The following NCOR2 variants were observed in gnomAD, a reference collection of about 807,000 sequenced individuals.
NCOR2 encodes the protein nuclear receptor corepressor 2, also known as CTG repeat protein 26.
Under a neutral mutation model 262.9 loss-of-function variants are expected in NCOR2, and 81 were observed. The ratio of observed to expected loss-of-function variants is 0.31; its 90% confidence interval spans 0.26 to 0.37. The LOEUF (loss-of-function observed/expected upper bound fraction) is 0.37, where lower values mean the gene tolerates loss of function less well. Among genes scored for constraint, NCOR2 ranks in the 10% least tolerant of loss-of-function variants. The pLI is 1.00. For synonymous variants in NCOR2, 1,659 were observed against 1,559.3 expected, an observed-to-expected ratio of 1.06 and a Z score of -1.51; for missense variants, 3,385 against 3,621.4, an observed-to-expected ratio of 0.93 and a Z score of 1.68.
In NCOR2 at chr12:124,340,298, T is replaced by A. The variant is rs376060814; in HGVS notation, c.5484A>T (p.Arg1828Ser). 3 of 1,610,844 alleles carry A rather than the reference T, an allele frequency of 1.9e-6. No homozygotes were observed. In the African/African-American group the frequency reaches 4.0e-5, roughly 22 times the overall value. Residue 1828 changes from arginine to serine, a missense_variant, in exon 36 of 47, where the codon AGA becomes AGT. Around this residue, in one of 5 missense-constraint regions of NCOR2, gnomAD observed 1,615 missense variants for 1,626.9 expected, o/e 0.99. Coordinates refer to ENST00000405201, the Ensembl canonical transcript of NCOR2. ...GTGGGGGCTCTGATGCCCTACCAGG[T>A]CTCCAGATGGGTGCGTGCTCCACCG...
chr12:124,400,464 G>A (rs763231702), intron 15 of NCOR2, 37 bp downstream of exon 17: 2 of 1,601,594 alleles, frequency 1.2e-6, no homozygotes, highest in African/African-American at 2.7e-5. Flanking sequence ...CGTGTCTCCA[G>A]CCCCTTCCCC....
chr12:124,327,543 T>G, exon 45 of NCOR2: 1 of 1,613,886 alleles, frequency 6.2e-7, no homozygotes, highest in East Asian at 2.2e-5. Flanking sequence ...CTGGTCATAT[T>G]TACCCATGAG....
intron 6 of NCOR2, among the ~76,000 whole-genome samples, chr12:124,451,767 A>T (rs901260066): frequency 6.6e-6 from 1 of 152,100 alleles, no homozygotes; most frequent in Non-Finnish European, 1.5e-5. Flanking sequence ...GACAGAAGGG[A>T]CACACAAGTC....
chr12:124,365,360 C>T (rs1288000506), intron 20 of NCOR2, among the ~76,000 whole-genome samples: 1 of 152,224 alleles, frequency 6.6e-6, no homozygotes, highest in African/African-American at 2.4e-5. Context: ...ACAACAGGGA[C>T]ACAACTCACA....
chr12:124,470,781 T>C (rs2136684619), intron 4 of NCOR2, among the ~76,000 whole-genome samples: 1 of 152,372 alleles, frequency 6.6e-6, no homozygotes, highest in East Asian at 1.9e-4. Flanking sequence ...CACTGAATTG[T>C]GCACTTTAAA....
chr12:124,376,827 G>A (rs1008187198), intron 18 of NCOR2, among the ~76,000 whole-genome samples: 7 of 152,218 alleles, frequency 4.6e-5, no homozygotes, highest in African/African-American at 1.2e-4. Flanking sequence ...CAACAAGAAG[G>A]ACCCCAGACG....
rs369936194 is a variant in NCOR2 at position 124,418,289 on chromosome 12, TG to T, written c.1482+1667del. On this transcript the variant is annotated intron_variant, in intron 13 of 46. Transcript: ENST00000405201. Reference sequence around the variant, plus strand: ...CGAGTTCAGCCCCAGGCATCGTGGCTGGATGTTGGGAATGCGGCGAGGGGTG... The same window carrying T: ...CGAGTTCAGCCCCAGGCATCGTGGCTGATGTTGGGAATGCGGCGAGGGGTG... Among the ~76,000 whole-genome samples, 23 of 152,252 alleles carry T rather than the reference TG, an allele frequency of 1.5e-4. No individual in the cohort carries two copies. The East Asian group carries it at 4.1e-3, about 27-fold the overall frequency.
At chr12:124,465,593 G>A (rs917693796) in intron 5 of NCOR2, among the ~76,000 whole-genome samples, 2 of 152,192 alleles carry the variant, frequency 1.3e-5, no homozygotes, top group African/African-American at 2.4e-5. Flanking sequence ...AGGGCCCAGT[G>A]TCAGTGGAAG....
chr12:124,478,376 A>G (rs746268138), intron 3 of NCOR2, among the ~76,000 whole-genome samples: 2 of 152,206 alleles, frequency 1.3e-5, no homozygotes, highest in Non-Finnish European at 2.9e-5. Flanking sequence ...TGACAATTCT[A>G]AAGTCCCCAA....
At chr12:124,555,683 C>T (rs371221987) in intron 1 of NCOR2, among the ~76,000 whole-genome samples, 2 of 152,184 alleles carry the variant, frequency 1.3e-5, no homozygotes, top group Non-Finnish European at 2.9e-5. Context: ...TTGCTGGCCC[C>T]GGGAATCCGC....
chr12:124,412,787 G>A (rs528665132), intron 13 of NCOR2, among the ~76,000 whole-genome samples: 1 of 152,364 alleles, frequency 6.6e-6, no homozygotes, highest in East Asian at 1.9e-4. Context: ...CTTGGATCTC[G>A]GCCTTATTGT....
At chr12:124,447,201 C>T (rs942473903) in intron 7 of NCOR2, among the ~76,000 whole-genome samples, 6 of 152,254 alleles carry the variant, frequency 3.9e-5, no homozygotes, top group South Asian at 2.1e-4. Flanking sequence ...AGGCGTGAGC[C>T]ACCGCGCCCA....
chr12:124,449,719 A>C, intron 7 of NCOR2, 96 bp downstream of exon 9: 1 of 1,433,236 alleles, frequency 7.0e-7, no homozygotes, highest in Non-Finnish European at 9.6e-7. Flanking sequence ...CCTGATGGGA[A>C]CAGAGAGCCC....
At chr12:124,558,514 A>G (rs918860794) in intron 1 of NCOR2, among the ~76,000 whole-genome samples, 1 of 152,206 alleles carries the variant, frequency 6.6e-6, no homozygotes, top group Non-Finnish European at 1.5e-5. Context: ...TGACAGCCAG[A>G]GAGCAGGCAG....
At chr12:124,475,782 G>A (rs530156199) in intron 3 of NCOR2, among the ~76,000 whole-genome samples, 3 of 152,300 alleles carry the variant, frequency 2.0e-5, no homozygotes, top group Admixed American at 1.3e-4. Flanking sequence ...ATCCTACCTT[G>A]GAAGGTGCTT....
At chr12:124,333,249 C>G (rs1036525342) in exon 42 of NCOR2, 2 of 1,611,584 alleles carry the variant, frequency 1.2e-6, no homozygotes, top group Non-Finnish European at 1.7e-6. Flanking sequence ...CACCACCACC[C>G]AAGACCGACG....
intron 1 of NCOR2, among the ~76,000 whole-genome samples, chr12:124,502,838 C>T (rs1252205512): frequency 6.6e-6 from 1 of 152,120 alleles, no homozygotes; most frequent in Non-Finnish European, 1.5e-5. Context: ...GAGTGTGGGG[C>T]ACAGGTAAAA....
chr12:124,516,152 C>T (rs11615506), intron 1 of NCOR2, among the ~76,000 whole-genome samples: 18 of 152,220 alleles, frequency 1.2e-4, no homozygotes, highest in African/African-American at 3.9e-4. Context: ...CCTGGACGCC[C>T]GGGGAACTCC....
chr12:124,331,132 G>A (rs1282247886), intron 43 of NCOR2, among the ~76,000 whole-genome samples: 3 of 147,826 alleles, frequency 2.0e-5, no homozygotes, highest in African/African-American at 5.0e-5. Flanking sequence ...GTGCAATCTC[G>A]GCTCCCTGCA....
Sources: gnomAD v4.1 joint callset for allele counts (sites outside exome capture counted in the v4.1 genomes callset) on GRCh38, gnomAD v4.1.1 for gene constraint, gnomAD v4.1.1 regional missense constraint, MANE v1.5 for transcripts, NCBI Gene and HGNC (gene_info 2026-07-23, HGNC 2026-07-21) for gene names.